Variants in GNAO1 observed in about 807,000 individuals in gnomAD.
The protein encoded by GNAO1 is G protein subunit alpha o1.
For synonymous variants in GNAO1, 164 were observed against 180.7 expected, an observed-to-expected ratio of 0.91 and a Z score of 0.74; for missense variants, 166 against 478.7, an observed-to-expected ratio of 0.35 and a Z score of 6.10.
intron 2 of GNAO1, among the ~76,000 whole-genome samples, chr16:56,246,640 A>G (rs1161115159): frequency 6.6e-6 from 1 of 152,086 alleles, no homozygotes; most frequent in Non-Finnish European, 1.5e-5. Context: ...AAAAGCTCAC[A>G]CGGCACCGCT....
intron 3 of GNAO1, among the ~76,000 whole-genome samples, chr16:56,291,141 A>C (rs1490188876): frequency 6.6e-6 from 1 of 152,182 alleles, no homozygotes; most frequent in African/African-American, 2.4e-5. Flanking sequence ...CTAGGGGCAA[A>C]ACTGATGGTT....
chr16:56,267,919 A>G (rs1321019449), intron 2 of GNAO1, among the ~76,000 whole-genome samples: 3 of 151,488 alleles, frequency 2.0e-5, no homozygotes, highest in African/African-American at 7.3e-5. Context: ...ACACCTCTAA[A>G]TTATTGGGAG....
At chr16:56,295,507 G>C (rs2037278074) in intron 3 of GNAO1, among the ~76,000 whole-genome samples, 2 of 152,144 alleles carry the variant, frequency 1.3e-5, no homozygotes, top group Non-Finnish European at 2.9e-5. Flanking sequence ...TAGCACCCCA[G>C]GGCCAGCCCA....
At chr16:56,193,445 A>G (rs574566563) in intron 2 of GNAO1, 1 of 150,380 alleles carries the variant, frequency 6.6e-6, no homozygotes, top group African/African-American at 2.5e-5. Flanking sequence ...TTATCAGTGT[A>G]TTTATTTACA....
At chr16:56,287,313 G>A (rs2037182620) in intron 3 of GNAO1, among the ~76,000 whole-genome samples, 2 of 152,234 alleles carry the variant, frequency 1.3e-5, no homozygotes, top group Admixed American at 1.3e-4. Flanking sequence ...AGCTGGGGAG[G>A]CACTGCCCCA....
At chr16:56,276,837 G>A (rs1327675096) in intron 3 of GNAO1, 3 of 152,318 alleles carry the variant, frequency 2.0e-5, no homozygotes, top group African/African-American at 7.2e-5. Context: ...CTGAATCTCA[G>A]TGATCCTCCC....
intron 4 of GNAO1, among the ~76,000 whole-genome samples, chr16:56,333,621 C>G (rs2037712937): frequency 6.6e-6 from 1 of 152,240 alleles, no homozygotes; most frequent in African/African-American, 2.4e-5. Flanking sequence ...TCACTGGGTT[C>G]TATCAGTGAA....
chr16:56,297,986 C>A (rs2037304646), intron 3 of GNAO1, among the ~76,000 whole-genome samples: 1 of 151,948 alleles, frequency 6.6e-6, no homozygotes, highest in African/African-American at 2.4e-5. Context: ...CTGGGAAACA[C>A]AGCAAGACCC....
At chr16:56,225,727 G>C (rs554797847) in intron 2 of GNAO1, among the ~76,000 whole-genome samples, 33 of 152,210 alleles carry the variant, frequency 2.2e-4, no homozygotes, top group Non-Finnish European at 4.1e-4. Context: ...TGTGTGCTCT[G>C]TTCTAGTCAC....
At position 56,289,035 on chromosome 16, in the gene GNAO1, G is replaced by GT. The variant is rs1446050343; in HGVS notation, c.303+12963_303+12964insT. ...GGTTCTTCCTTTGTATCCAAAAAAG[G>GT]GGGGGGGAGCGGAAAAAAGAGAAAA... On this transcript the variant is annotated intron_variant, in intron 3 of 8. Transcript: ENST00000262493. Among the ~76,000 whole-genome samples, 8 of 151,906 alleles carry GT rather than the reference G, an allele frequency of 5.3e-5. No homozygotes were observed. The South Asian group carries it at 1.2e-3, about 24-fold the overall frequency.
intron 2 of GNAO1, among the ~76,000 whole-genome samples, chr16:56,266,271 C>T (rs141125846): frequency 1.3e-3 from 204 of 152,190 alleles, no homozygotes; most frequent in Middle Eastern, 6.8e-3. Flanking sequence ...AGGAGGATGC[C>T]GTCAGTGGGG....
rs560851241 is a variant in GNAO1, at chr16:56,311,613, G to A, written c.304-17018G>A. Among the ~76,000 whole-genome samples the A allele has an allele frequency of 3.3e-5, 5 of 152,196 alleles. No individual in the cohort carries two copies. The highest frequency in any genetic ancestry group is 1.3e-4 in the Admixed American group (2 of 15,298). ...GCGCTGAACTGAGAACCCGAGGAGC[G>A]CGTCCCCTCCCTCCTCCCTCCCTGC... On this transcript the variant is annotated intron_variant, in intron 3 of 8. Transcript: ENST00000262493. This position sits in a 1 kb window ranked among gnomAD's most constrained non-coding sequence, Gnocchi z 5.2.
rs1596866563 is a variant in GNAO1 at position 56,326,889 on chromosome 16, C to A, written c.304-1742C>A. Among the ~76,000 whole-genome samples, 2 of 152,322 alleles carry A rather than the reference C, an allele frequency of 1.3e-5. No individual in the cohort carries two copies. The highest frequency in any genetic ancestry group is 3.9e-4 in the East Asian group (2 of 5,172). Reference sequence around the variant, plus strand: ...GGCCACTTCAGCTGTGGTCTAGACCCCTCTACCAGGCCCTGTCAGCCGTCC... The same window carrying A: ...GGCCACTTCAGCTGTGGTCTAGACCACTCTACCAGGCCCTGTCAGCCGTCC... On this transcript the variant is annotated intron_variant, in intron 3 of 8. Coordinates refer to ENST00000262493, the MANE Select transcript of GNAO1 (RefSeq NM_020988.3). This position sits in a 1 kb window ranked among gnomAD's most constrained non-coding sequence, Gnocchi z 4.8.
At chr16:56,315,123 G>A (rs2037495537) in intron 3 of GNAO1, among the ~76,000 whole-genome samples, 2 of 152,210 alleles carry the variant, frequency 1.3e-5, no homozygotes, top group Admixed American at 6.5e-5. Flanking sequence ...GGCCAACCCT[G>A]TCAACTTCAG....
intron 2 of GNAO1, among the ~76,000 whole-genome samples, chr16:56,250,563 C>G (rs2036790350): frequency 6.6e-6 from 1 of 152,186 alleles, no homozygotes; most frequent in African/African-American, 2.4e-5. Context: ...ATCAGTCATC[C>G]TGCTTTCATT....
At chr16:56,348,784 T>G (rs1419584083) in intron 6 of GNAO1, among the ~76,000 whole-genome samples, 1 of 150,506 alleles carries the variant, frequency 6.6e-6, no homozygotes, top group African/African-American at 2.5e-5. Flanking sequence ...CTGCAGGATC[T>G]CCCCTCCTCA....
chr16:56,239,656 T>G (rs2036675132), intron 2 of GNAO1, among the ~76,000 whole-genome samples: 1 of 152,234 alleles, frequency 6.6e-6, no homozygotes, highest in South Asian at 2.1e-4. Flanking sequence ...AATAATCATT[T>G]AATGTTTATT....
intron 3 of GNAO1, among the ~76,000 whole-genome samples, chr16:56,319,588 C>T (rs1270028569): frequency 6.6e-6 from 1 of 152,158 alleles, no homozygotes; most frequent in African/African-American, 2.4e-5. Context: ...TACTGATTGT[C>T]ACCAGGGTGC....
intron 2 of GNAO1, among the ~76,000 whole-genome samples, chr16:56,258,721 C>G (rs1336581099): frequency 1.3e-5 from 2 of 152,254 alleles, no homozygotes; most frequent in Admixed American, 1.3e-4. Context: ...TGGGCAGCCC[C>G]TGCCTGTTAC....
Sources: gnomAD v4.1 joint callset for allele counts (sites outside exome capture counted in the v4.1 genomes callset) on GRCh38, gnomAD v4.1.1 for gene constraint, Gnocchi (gnomAD v3.1) non-coding constraint, MANE v1.5 for transcripts, NCBI Gene and HGNC (gene_info 2026-07-23, HGNC 2026-07-21) for gene names.